The following CCDC12 variants were observed in gnomAD, a reference collection of about 807,000 sequenced individuals.
The protein encoded by CCDC12 is coiled-coil domain-containing protein 12.
A neutral mutation model predicts 25.7 loss-of-function variants in CCDC12; 28 were observed. The observed-to-expected ratio is 1.09, with a 90% CI of 0.81 to 1.50. The LOEUF is 1.50. CCDC12 is among the 40% of genes most tolerant of loss of function. CCDC12 has a pLI of 0.00. For missense variants in CCDC12, 198 were observed against 210.0 expected, an observed-to-expected ratio of 0.94 and a Z score of 0.35; for synonymous variants, 75 against 87.7, an observed-to-expected ratio of 0.86 and a Z score of 0.81.
intron 1 of CCDC12, among the ~76,000 whole-genome samples, chr3:46,956,893 G>A (rs1194571131): frequency 2.0e-5 from 3 of 152,020 alleles, no homozygotes; most frequent in Non-Finnish European, 4.4e-5. Context: ...TCCAGGTGAA[G>A]TGTGCAGCAA....
intron 1 of CCDC12, among the ~76,000 whole-genome samples, chr3:46,960,718 C>T (rs1438912698): frequency 6.6e-6 from 1 of 152,124 alleles, no homozygotes; most frequent in Non-Finnish European, 1.5e-5. Flanking sequence ...GGGAAAGCTC[C>T]GAAGGAAGGA....
At chr3:46,941,164 G>C in intron 1 of CCDC12, 99 bp from the exon 2 acceptor site, 1 of 1,138,802 alleles carries the variant, frequency 8.8e-7, no homozygotes, top group Non-Finnish European at 1.3e-6. Flanking sequence ...CAGAAGGGGG[G>C]CACCTGGCAG....
intron 2 of CCDC12, among the ~76,000 whole-genome samples, chr3:46,936,652 A>G (rs1163098008): frequency 6.6e-6 from 1 of 152,100 alleles, no homozygotes; most frequent in Non-Finnish European, 1.5e-5. Flanking sequence ...ATGTCCTTTC[A>G]TTTCAGGGAC....
At chr3:46,957,061 C>T (rs1575557537) in intron 1 of CCDC12, among the ~76,000 whole-genome samples, 1 of 152,162 alleles carries the variant, frequency 6.6e-6, no homozygotes, top group Non-Finnish European at 1.5e-5. Flanking sequence ...GGGAGGAAGA[C>T]CCTGCCCCTT....
chr3:46,963,929 G>A (rs1191628285), intron 1 of CCDC12, among the ~76,000 whole-genome samples: 1 of 151,610 alleles, frequency 6.6e-6, no homozygotes, highest in East Asian at 1.9e-4. Context: ...CGTCTGGGAT[G>A]TGAGGAGCCC....
intron 2 of CCDC12, among the ~76,000 whole-genome samples, chr3:46,927,138 G>A (rs976223078): frequency 5.3e-5 from 8 of 152,172 alleles, no homozygotes; most frequent in East Asian, 3.9e-4. Flanking sequence ...CACTGCGGGC[G>A]ATGGGGCAGT....
intron 1 of CCDC12, among the ~76,000 whole-genome samples, chr3:46,958,819 T>A (rs184086999): frequency 9.8e-5 from 15 of 152,286 alleles, no homozygotes; most frequent in African/African-American, 3.4e-4. Context: ...CCAAGGCCCT[T>A]ACCTGAGCTA....
chr3:46,966,902 A>G (rs994315696), intron 1 of CCDC12, among the ~76,000 whole-genome samples: 8 of 151,876 alleles, frequency 5.3e-5, no homozygotes, highest in Non-Finnish European at 1.2e-4. Context: ...GGCTTCTCTC[A>G]GCCCCACTGT....
chr3:46,963,854 T>C (rs887367552), intron 1 of CCDC12, among the ~76,000 whole-genome samples: 4 of 152,254 alleles, frequency 2.6e-5, no homozygotes, highest in African/African-American at 4.8e-5. Context: ...AGTGCCGAGA[T>C]TGCAGCCTCT....
chr3:46,928,362 C>T (rs1441349547), intron 2 of CCDC12, among the ~76,000 whole-genome samples: 1 of 152,196 alleles, frequency 6.6e-6, no homozygotes, highest in African/African-American at 2.4e-5. Flanking sequence ...CCTGACATCA[C>T]GTCCCTCTTT....
At chr3:46,945,232 C>T (rs1162397932) in intron 1 of CCDC12, among the ~76,000 whole-genome samples, 2 of 152,238 alleles carry the variant, frequency 1.3e-5, no homozygotes, top group South Asian at 2.1e-4. Flanking sequence ...GGCTAGACAA[C>T]CTTCAGAAAT....
intron 1 of CCDC12, 172 bp downstream of exon 1, chr3:46,976,465 A>T (rs975742214): frequency 2.8e-6 from 4 of 1,426,950 alleles, no homozygotes; most frequent in South Asian, 3.0e-5. Context: ...GTCCCACGCC[A>T]AGCAGCCCCA....
rs1198903085 is a variant in CCDC12 at position 46,951,779 on chromosome 3, C to CAAAAAAAAAA, written c.97-10724_97-10715dup. On this transcript the variant is annotated intron_variant, in intron 1 of 6. Transcript: ENST00000683445. Reference sequence around the variant, plus strand: ...TGGGCGACAGAACGAGACTCCGTCTCAAAAAAAAAAAAAAAAAAAATATAT... The same window carrying CAAAAAAAAAA: ...TGGGCGACAGAACGAGACTCCGTCTCAAAAAAAAAAAAAAAAAAAAAAAAAAAAAATATAT... Among the ~76,000 whole-genome samples, 35 of 13,650 alleles carry CAAAAAAAAAA rather than the reference C, an allele frequency of 2.6e-3. 4 individuals are homozygous for CAAAAAAAAAA. Among genetic ancestry groups the CAAAAAAAAAA allele is most frequent in the Non-Finnish European group, 2.6e-3 (23 of 8,856 alleles). 9.0% of individuals were successfully genotyped at this position (13,650 alleles called of 152,430 possible). A position where few individuals can be genotyped will look rare whatever the true frequency, so the allele number is the denominator to read the frequency against.
At chr3:46,954,373 G>A (rs2034222478) in intron 1 of CCDC12, among the ~76,000 whole-genome samples, 1 of 152,350 alleles carries the variant, frequency 6.6e-6, no homozygotes, top group East Asian at 1.9e-4. Flanking sequence ...GAGACAGCAA[G>A]CAAGGACCTG....
rs146392938 is a variant in CCDC12, at chr3:46,973,815, T to C, written c.96+2822A>G. On this transcript the variant is annotated intron_variant, in intron 1 of 6. Coordinates refer to ENST00000683445, the MANE Select transcript of CCDC12 (RefSeq NM_001277074.2). ...TTTTAATAGAGACAGGTTTTCACTGTGTTAGCCAGAATGGTCTCGATCTCC... is the reference window on the plus strand; with the variant it reads ...TTTTAATAGAGACAGGTTTTCACTGCGTTAGCCAGAATGGTCTCGATCTCC... Among the ~76,000 whole-genome samples the C allele has an allele frequency of 3.7e-3, 559 of 152,184 alleles. 4 individuals are homozygous for C. The highest frequency in any genetic ancestry group is 0.013 in the African/African-American group (534 of 41,520).
chr3:46,925,629 G>A, intron 2 of CCDC12, 94 bp from the exon 3 acceptor site: 1 of 1,054,160 alleles, frequency 9.5e-7, no homozygotes, highest in South Asian at 1.7e-5. Context: ...GTGAATTCCT[G>A]AATTTCCTCT....
chr3:46,965,829 G>A (rs1286343429), intron 1 of CCDC12, among the ~76,000 whole-genome samples: 1 of 152,166 alleles, frequency 6.6e-6, no homozygotes, highest in Non-Finnish European at 1.5e-5. Flanking sequence ...CTCAACCAGA[G>A]GTAAAATAAG....
chr3:46,938,530 T>TG (rs1471360437), intron 2 of CCDC12, among the ~76,000 whole-genome samples: 3 of 146,230 alleles, frequency 2.1e-5, no homozygotes, highest in East Asian at 2.0e-4. Flanking sequence ...TTTTTTTTTT[T>TG]TTTTTTTTTT....
intron 2 of CCDC12, among the ~76,000 whole-genome samples, chr3:46,934,533 G>A (rs947038084): frequency 6.6e-6 from 1 of 152,204 alleles, no homozygotes; most frequent in Non-Finnish European, 1.5e-5. Context: ...CTTCATAAGA[G>A]GGGCTTTGGA....
Sources: allele counts gnomAD v4.1 joint callset (sites outside exome capture counted in the v4.1 genomes callset), GRCh38; gene constraint gnomAD v4.1.1; transcripts MANE v1.5; gene names NCBI Gene and HGNC (gene_info 2026-07-23, HGNC 2026-07-21).